DMD: variants seen among roughly 807,000 people sequenced by gnomAD.
The protein encoded by DMD is mutant dystrophin.
In DMD, 63 loss-of-function variants were observed where a neutral mutation model predicts 330.1. The ratio of observed to expected loss-of-function variants is 0.19; its 90% CI spans 0.16 to 0.24. The LOEUF is 0.24. DMD is among the 10% of genes least tolerant of loss of function. The probability of loss-of-function intolerance (pLI) is 1.00; values close to 1 mark genes in which losing one functional copy is unlikely to be tolerated. For missense variants in DMD, 3,344 were observed against 2,684.1 expected (o/e 1.25, Z -5.43); for synonymous variants, 1,223 against 959.8 (o/e 1.27, Z -5.07).
chrX:31,680,411 C>T (rs2082313749), intron 52 of DMD, among the ~76,000 whole-genome samples: 1 of 109,377 alleles, frequency 9.1e-6, no homozygotes, highest in African/African-American at 3.3e-5. Context: ...GCTCTTGTAA[C>T]CCAGGCTGGA....
In DMD at chrX:32,815,538, T is replaced by TACACAC. The variant is rs1236023082; in HGVS notation, c.530+929_530+930insGTGTGT. 7.3e-3 allele frequency among the ~76,000 whole-genome samples: 536 copies of TACACAC among 73,303 alleles called. 9 individuals carry two copies. The highest frequency in any genetic ancestry group is 0.027 in the East Asian group (65 of 2,384). The allele number at this position is 73,303 out of a possible 115,157, so 63.7% of individuals were successfully genotyped here. On this transcript the variant is annotated intron_variant, in intron 6 of 78. Transcript: ENST00000357033. ...ATATATATACACACACACACACACA[T>TACACAC]ATATATACATATATAGAGTATAAAT...
intron 74 of DMD, among the ~76,000 whole-genome samples, chrX:31,158,552 ACT>A (rs1180305964): frequency 1.8e-5 from 2 of 111,184 alleles, no homozygotes; most frequent in Non-Finnish European, 3.8e-5. Flanking sequence ...TGGTTGCACA[ACT>A]CTGTAATTAA....
chrX:31,707,837 C>G (rs1603450017), intron 52 of DMD, among the ~76,000 whole-genome samples: 1 of 110,301 alleles, frequency 9.1e-6, no homozygotes, highest in South Asian at 3.9e-4. Context: ...GGACACTAAG[C>G]CCGAATCTCC....
intron 44 of DMD, among the ~76,000 whole-genome samples, chrX:32,082,085 A>G (rs2096395809): frequency 9.0e-6 from 1 of 110,852 alleles, no homozygotes; most frequent in Admixed American, 9.6e-5. Flanking sequence ...GCAGTTTCAT[A>G]TTACATGTTC....
chrX:32,714,538 ACAC>A (rs1230108180), intron 7 of DMD, among the ~76,000 whole-genome samples: 1 of 111,676 alleles, frequency 9.0e-6, no homozygotes, highest in East Asian at 2.8e-4. Flanking sequence ...TTATATATAC[ACAC>A]CACATTATCT....
At chrX:31,639,691 C>G (rs1040462551) in intron 54 of DMD, among the ~76,000 whole-genome samples, 1 of 111,871 alleles carries the variant, frequency 8.9e-6, no homozygotes, top group African/African-American at 3.3e-5. Flanking sequence ...GCCTGAATAA[C>G]TGCATACTAC....
At chrX:32,644,088 C>T in intron 11 of DMD, 44 bp downstream of exon 11, 1 of 1,107,814 alleles carries the variant, frequency 9.0e-7, no homozygotes. Context: ...CACAAGCTTC[C>T]AAAACTTGTT....
At chrX:32,370,469 T>G (rs2097871242) in intron 34 of DMD, among the ~76,000 whole-genome samples, 1 of 111,358 alleles carries the variant, frequency 9.0e-6, no homozygotes, top group Non-Finnish European at 1.9e-5. Context: ...TATTGACTTT[T>G]TAATAACACT....
chrX:32,648,712 A>C (rs1004091864), intron 9 of DMD, among the ~76,000 whole-genome samples: 2 of 112,275 alleles, frequency 1.8e-5, no homozygotes, highest in African/African-American at 6.5e-5. Context: ...ACCTTGGAAT[A>C]AAAGACATTT....
chrX:32,995,132 A>T (rs1258626753), intron 2 of DMD, among the ~76,000 whole-genome samples: 1 of 112,186 alleles, frequency 8.9e-6, no homozygotes, highest in Non-Finnish European at 1.9e-5. Context: ...AAGATAAATA[A>T]ATGCAATTAA....
intron 18 of DMD, among the ~76,000 whole-genome samples, chrX:32,511,100 T>C (rs936336438): frequency 9.0e-6 from 1 of 110,706 alleles, no homozygotes; most frequent in Non-Finnish European, 1.9e-5. Flanking sequence ...TTTTCTTTTA[T>C]ATATTTCATC....
intron 44 of DMD, among the ~76,000 whole-genome samples, chrX:32,133,996 T>C (rs1395175958): frequency 8.9e-6 from 1 of 111,794 alleles, no homozygotes. Context: ...TGCTGATATC[T>C]ACATGATTCA....
intron 15 of DMD, 77 bp from the exon 16 acceptor site, chrX:32,565,958 T>C: frequency 2.2e-6 from 2 of 925,543 alleles, no homozygotes; most frequent in Non-Finnish European, 3.1e-6. Context: ...TGCTTTTGCG[T>C]GTATTTGCTC....
At chrX:32,321,989 G>C (rs1467857523) in intron 41 of DMD, among the ~76,000 whole-genome samples, 1 of 111,153 alleles carries the variant, frequency 9.0e-6, no homozygotes, top group Non-Finnish European at 1.9e-5. Context: ...TTAGAAAAGA[G>C]AATGATCATG....
chrX:32,721,143 A>G (rs914280579), intron 7 of DMD, among the ~76,000 whole-genome samples: 5 of 110,792 alleles, frequency 4.5e-5, no homozygotes, highest in Admixed American at 9.7e-5. Context: ...CTTGGCTATT[A>G]TGAATCATAA....
intron 42 of DMD, among the ~76,000 whole-genome samples, chrX:32,293,364 G>A (rs755540393): frequency 8.9e-6 from 1 of 111,754 alleles, no homozygotes; most frequent in African/African-American, 3.3e-5. Flanking sequence ...GAAAGCATGG[G>A]CAGAGGAAGG....
At chrX:31,333,437 T>C (rs1464066891) in intron 61 of DMD, among the ~76,000 whole-genome samples, 1 of 87,085 alleles carries the variant, frequency 1.1e-5, no homozygotes. Context: ...TTTTTTTGCC[T>C]GAAGATAACA....
At chrX:31,294,726 G>A (rs759117865) in intron 62 of DMD, among the ~76,000 whole-genome samples, 2 of 112,156 alleles carry the variant, frequency 1.8e-5, no homozygotes, top group African/African-American at 3.2e-5. Context: ...TAGGGTAACA[G>A]TTTTGGGAGA....
intron 52 of DMD, among the ~76,000 whole-genome samples, chrX:31,711,947 TTATACA>T (rs1375851068): frequency 1.8e-5 from 2 of 111,185 alleles, no homozygotes; most frequent in Admixed American, 9.6e-5. Context: ...CTACACATAC[TTATACA>T]TATATAGTAT....
Sources: gnomAD v4.1 joint callset for allele counts (sites outside exome capture counted in the v4.1 genomes callset) on GRCh38, gnomAD v4.1.1 for gene constraint, MANE v1.5 for transcripts, NCBI Gene and HGNC (gene_info 2026-07-23, HGNC 2026-07-21) for gene names.